The following SOS1 variants were observed in gnomAD, a reference collection of about 807,000 sequenced individuals.
SOS1 encodes the protein SOS Ras/Rac guanine nucleotide exchange factor 1.
Under a neutral mutation model 157.6 loss-of-function variants are expected in SOS1, and 25 were observed. That is an observed-to-expected ratio of 0.16 (90% CI 0.12 to 0.22). SOS1 has a LOEUF of 0.22. SOS1 is among the 10% of genes least tolerant of loss of function. SOS1 has a pLI of 1.00. For synonymous variants in SOS1, 528 were observed against 534.0 expected (o/e 0.99, Z 0.16); for missense variants, 1,237 against 1,599.1 (o/e 0.77, Z 3.86).
intron 6 of SOS1, among the ~76,000 whole-genome samples, chr2:39,045,939 C>G (rs939295593): frequency 6.6e-6 from 1 of 152,106 alleles, no homozygotes; most frequent in Non-Finnish European, 1.5e-5. Context: ...GTCTCAAACT[C>G]CTGACCTTGT....
chr2:39,104,352 C>A (rs571695710), intron 1 of SOS1, among the ~76,000 whole-genome samples: 1 of 152,070 alleles, frequency 6.6e-6, no homozygotes, highest in African/African-American at 2.4e-5. Flanking sequence ...TAAAGACATA[C>A]AAATGGCCAA....
intron 6 of SOS1, 68 bp downstream of exon 6, chr2:39,051,076 G>C (rs1177674856): frequency 5.0e-6 from 7 of 1,398,442 alleles, no homozygotes; most frequent in Non-Finnish European, 2.0e-6. Flanking sequence ...AAAGAAGTAA[G>C]ACTCTCAATT....
chr2:38,993,984 T>G (rs538132890), intron 20 of SOS1: 1 of 152,204 alleles, frequency 6.6e-6, no homozygotes. Context: ...TAAAAAATTA[T>G]TGGTGATCTA....
chr2:39,003,692 C>G (rs574177136), intron 17 of SOS1, among the ~76,000 whole-genome samples: 4 of 152,092 alleles, frequency 2.6e-5, no homozygotes, highest in Admixed American at 6.5e-5. Context: ...GTTCCAGTTA[C>G]ATTTGGGGGC....
chr2:39,023,568 T>C (rs180701035), intron 9 of SOS1, among the ~76,000 whole-genome samples: 11 of 152,172 alleles, frequency 7.2e-5, no homozygotes, highest in African/African-American at 2.6e-4. Context: ...TTAAAATAAA[T>C]TATTTAGAAG....
At chr2:39,010,951 A>G (rs1007116165) in intron 14 of SOS1, among the ~76,000 whole-genome samples, 9 of 144,212 alleles carry the variant, frequency 6.2e-5, no homozygotes, top group African/African-American at 1.8e-4. Flanking sequence ...GCTGGAGTAC[A>G]ATGGCATGAT....
Position 38,986,226 on chromosome 2 carries a change from G to A in SOS1, c.3600C>T (p.Asp1200=), listed in dbSNP as rs141594736. The change falls in exon 23 of 23, where the codon GAC becomes GAT. Residue 1200 remains aspartate, a synonymous_variant. Transcript: ENST00000402219. The part of the protein sequence containing the change: ...KAYSPRYSIS[D]RTSISDPPES... ...CAGGAGGGTCTGAGATAGAGGTCCGGTCTGATATTGAATATCGTGGTGAAT... is the reference window on the plus strand; with the variant it reads ...CAGGAGGGTCTGAGATAGAGGTCCGATCTGATATTGAATATCGTGGTGAAT... 1 of 1,613,894 alleles carries A rather than the reference G, an allele frequency of 6.2e-7. No individual in the cohort carries two copies. The highest frequency in any genetic ancestry group is 1.3e-5 in the African/African-American group (1 of 75,002).
intron 1 of SOS1, among the ~76,000 whole-genome samples, chr2:39,077,285 T>C (rs918830417): frequency 2.7e-5 from 4 of 149,806 alleles, no homozygotes; most frequent in African/African-American, 7.4e-5. Context: ...GAGGCTGCAG[T>C]GAGCCGAGAT....
At chr2:39,111,489 G>A (rs947354613) in intron 1 of SOS1, among the ~76,000 whole-genome samples, 37 of 152,236 alleles carry the variant, frequency 2.4e-4, no homozygotes, top group African/African-American at 8.7e-4. Flanking sequence ...GTCTATAGCT[G>A]TAATAAATAC....
intron 17 of SOS1, among the ~76,000 whole-genome samples, chr2:39,005,815 C>T (rs182381465): frequency 2.0e-5 from 3 of 151,948 alleles, no homozygotes; most frequent in Admixed American, 6.5e-5. Context: ...AGCATATACT[C>T]AGGCAGAGAA....
chr2:39,030,239 A>G (rs1198703812), intron 8 of SOS1, among the ~76,000 whole-genome samples: 1 of 67,356 alleles, frequency 1.5e-5, no homozygotes, highest in East Asian at 3.4e-4. Flanking sequence ...CAAAAAAAGA[A>G]AACAGAAAAA....
upstream of SOS1, among the ~76,000 whole-genome samples, chr2:39,121,893 A>G (rs1169355475): frequency 1.3e-5 from 2 of 152,180 alleles, no homozygotes; most frequent in African/African-American, 4.8e-5. Flanking sequence ...CTTATGATTT[A>G]TCATTAATTA....
intron 1 of SOS1, among the ~76,000 whole-genome samples, chr2:39,071,689 A>C (rs6734212): frequency 1.3e-5 from 2 of 152,150 alleles, no homozygotes; most frequent in African/African-American, 4.8e-5. Context: ...TCAAGAAAGT[A>C]TGATTAAGTT....
chr2:39,094,906 C>T (rs1446575747), intron 1 of SOS1, among the ~76,000 whole-genome samples: 1 of 152,148 alleles, frequency 6.6e-6, no homozygotes, highest in African/African-American at 2.4e-5. Context: ...AAGCCATAAA[C>T]CTGTTAGTCC....
At chr2:39,101,094 T>G (rs1672950209) in intron 1 of SOS1, among the ~76,000 whole-genome samples, 1 of 152,226 alleles carries the variant, frequency 6.6e-6, no homozygotes, top group Non-Finnish European at 1.5e-5. Context: ...AGCGTGCCGC[T>G]AGCATCTGCT....
intron 20 of SOS1, among the ~76,000 whole-genome samples, chr2:38,989,917 A>T (rs1668679676): frequency 3.3e-5 from 5 of 151,962 alleles, no homozygotes; most frequent in Admixed American, 3.3e-4. Flanking sequence ...GATAAATTTA[A>T]ATTTAGAAAG....
At chr2:39,006,663 T>C (rs1344965763) in intron 16 of SOS1, 134 bp from the exon 17 acceptor site, 3 of 689,620 alleles carry the variant, frequency 4.4e-6, no homozygotes, top group Non-Finnish European at 7.7e-6. Flanking sequence ...GCTTCAAATA[T>C]TGCTTCAAAT....
At chr2:39,026,084 CG>C in intron 8 of SOS1, among the ~76,000 whole-genome samples, 1 of 152,182 alleles carries the variant, frequency 6.6e-6, no homozygotes, top group East Asian at 1.9e-4. Context: ...AGGCTGGGCA[CG>C]GTGGTTCATG....
intron 15 of SOS1, among the ~76,000 whole-genome samples, chr2:39,010,240 CG>C (rs1669417028): frequency 6.6e-6 from 1 of 150,864 alleles, no homozygotes; most frequent in South Asian, 2.1e-4. Flanking sequence ...TGCTTGAACC[CG>C]GAAGGTGGAG....
Sources: allele counts gnomAD v4.1 joint callset (sites outside exome capture counted in the v4.1 genomes callset), GRCh38; gene constraint gnomAD v4.1.1; transcripts MANE v1.5; gene names NCBI Gene and HGNC (gene_info 2026-07-23, HGNC 2026-07-21).